The following IQCM variants were observed in gnomAD, a reference collection of about 807,000 sequenced individuals.
The protein encoded by IQCM is IQ domain-containing protein M.
In IQCM, 45 loss-of-function variants were observed where a neutral mutation model predicts 57.6. The ratio of observed to expected loss-of-function variants is 0.78; its 90% CI spans 0.62 to 1.00. IQCM has a LOEUF of 1.00. IQCM is among the 50% of genes least tolerant of loss of function. The pLI, the probability that IQCM is intolerant of heterozygous loss-of-function variation, is 0.00. For synonymous variants in IQCM, 148 were observed against 158.9 expected (o/e 0.93, Z 0.51); for missense variants, 468 against 511.6 (o/e 0.91, Z 0.82).
At chr4:149,809,593 T>C (rs1486144147) in intron 2 of IQCM, among the ~76,000 whole-genome samples, 1 of 152,204 alleles carries the variant, frequency 6.6e-6, no homozygotes, top group Non-Finnish European at 1.5e-5. Context: ...ACTTTAGTAA[T>C]TTCAAAACAT....
chr4:149,757,164 A>G (rs950692206), intron 2 of IQCM, among the ~76,000 whole-genome samples: 38 of 152,254 alleles, frequency 2.5e-4, no homozygotes, highest in Middle Eastern at 3.4e-3. Context: ...AGGCTGAGGC[A>G]GGAGAATGGC....
At chr4:149,552,884 T>C (rs1304816205) in intron 11 of IQCM, among the ~76,000 whole-genome samples, 1 of 152,232 alleles carries the variant, frequency 6.6e-6, no homozygotes, top group Non-Finnish European at 1.5e-5. Flanking sequence ...GTCTGAAATC[T>C]AATTGTTTCA....
intron 8 of IQCM, among the ~76,000 whole-genome samples, chr4:149,596,186 G>A (rs750220234): frequency 6.6e-6 from 1 of 152,160 alleles, no homozygotes; most frequent in Non-Finnish European, 1.5e-5. Context: ...ATAAGCCCCT[G>A]TAAAGGTTGG....
intron 9 of IQCM, among the ~76,000 whole-genome samples, chr4:149,568,796 T>C (rs1750881775): frequency 1.3e-5 from 2 of 152,122 alleles, no homozygotes; most frequent in South Asian, 4.1e-4. Context: ...CATGTACATA[T>C]ATATTTTTAC....
chr4:149,553,647 C>T (rs1330964930), intron 10 of IQCM, among the ~76,000 whole-genome samples: 1 of 152,184 alleles, frequency 6.6e-6, no homozygotes, highest in Non-Finnish European at 1.5e-5. Context: ...TGATTCTTGT[C>T]TAAGCAGTCC....
At chr4:149,391,231 A>G (rs776469471) in intron 13 of IQCM, among the ~76,000 whole-genome samples, 6 of 151,778 alleles carry the variant, frequency 4.0e-5, no homozygotes, top group Admixed American at 1.3e-4. Context: ...TCAATAGTTC[A>G]TGTGTTTCTG....
intron 13 of IQCM, among the ~76,000 whole-genome samples, chr4:149,391,222 C>T (rs1731832261): frequency 6.6e-6 from 1 of 151,822 alleles, no homozygotes; most frequent in African/African-American, 2.4e-5. Context: ...GGGTCAGTTT[C>T]AATAGTTCAT....
At chr4:149,556,978 T>C (rs549267214) in intron 10 of IQCM, among the ~76,000 whole-genome samples, 1 of 152,348 alleles carries the variant, frequency 6.6e-6, no homozygotes, top group South Asian at 2.1e-4. Context: ...GTACAGAAAC[T>C]GTTAAATAAA....
chr4:149,539,996 A>G (rs959804579), intron 12 of IQCM, among the ~76,000 whole-genome samples: 8 of 152,170 alleles, frequency 5.3e-5, no homozygotes, highest in African/African-American at 1.7e-4. Context: ...TTAACCTGTT[A>G]AGCAACTTTA....
chr4:149,591,987 C>A (rs911122893), intron 8 of IQCM, among the ~76,000 whole-genome samples: 2 of 152,222 alleles, frequency 1.3e-5, no homozygotes, highest in South Asian at 4.2e-4. Context: ...ATGGCTGGGT[C>A]AAATGGTATT....
chr4:149,410,134 G>A (rs1454151055), intron 13 of IQCM, among the ~76,000 whole-genome samples: 2 of 152,128 alleles, frequency 1.3e-5, no homozygotes, highest in Non-Finnish European at 2.9e-5. Flanking sequence ...AGTGAGCCGA[G>A]ATTGCGCCAC....
chr4:149,587,714 G>T (rs1489455563), intron 9 of IQCM, among the ~76,000 whole-genome samples: 5 of 151,726 alleles, frequency 3.3e-5, no homozygotes, highest in African/African-American at 1.2e-4. Context: ...TAAAACTTCA[G>T]CTGGGTCTAC....
chr4:149,403,184 T>G (rs905413331), intron 13 of IQCM, among the ~76,000 whole-genome samples: 1 of 152,020 alleles, frequency 6.6e-6, no homozygotes, highest in Admixed American at 6.6e-5. Flanking sequence ...TTAAGAGAGA[T>G]ATTTATAGAT....
At chr4:149,668,194 A>T (rs530529536) in intron 7 of IQCM, among the ~76,000 whole-genome samples, 3 of 152,212 alleles carry the variant, frequency 2.0e-5, no homozygotes, top group South Asian at 2.1e-4. Context: ...CGGGTTACCT[A>T]CAAAGGGAAG....
At chr4:149,445,533 T>C (rs1376078239) in intron 12 of IQCM, among the ~76,000 whole-genome samples, 3 of 151,838 alleles carry the variant, frequency 2.0e-5, no homozygotes, top group Non-Finnish European at 4.4e-5. Flanking sequence ...TAAGATCAAA[T>C]ATACAGCCTC....
intron 13 of IQCM, among the ~76,000 whole-genome samples, chr4:149,416,055 A>T (rs1056032284): frequency 9.9e-5 from 15 of 152,266 alleles, no homozygotes; most frequent in South Asian, 2.1e-4. Context: ...GTATAATTTT[A>T]AAAAAGCCTG....
At chr4:149,723,026 C>T (rs1765583521) in intron 5 of IQCM, among the ~76,000 whole-genome samples, 1 of 151,712 alleles carries the variant, frequency 6.6e-6, no homozygotes. Context: ...AAGTATATTG[C>T]TAGGTATCTT....
intron 6 of IQCM, among the ~76,000 whole-genome samples, chr4:149,682,988 CTGTT>C (rs1005261164): frequency 6.6e-6 from 1 of 151,136 alleles, no homozygotes; most frequent in African/African-American, 2.4e-5. Flanking sequence ...TTCCTTTTCT[CTGTT>C]TAAGTGTACA....
intron 9 of IQCM, among the ~76,000 whole-genome samples, chr4:149,584,273 A>G (rs979547750): frequency 2.0e-5 from 3 of 151,688 alleles, no homozygotes; most frequent in African/African-American, 2.4e-5. Flanking sequence ...AATTTCTAAC[A>G]ACTTTCAGAA....
Sources: allele counts gnomAD v4.1 joint callset (sites outside exome capture counted in the v4.1 genomes callset), GRCh38; gene constraint gnomAD v4.1.1; transcripts MANE v1.5; gene names NCBI Gene and HGNC (gene_info 2026-07-23, HGNC 2026-07-21).